Variants in BCAS3 observed in about 807,000 individuals in gnomAD.
BCAS3 encodes BCAS3 microtubule associated cell migration factor.
BCAS3 carries 53 observed loss-of-function variants against 116.1 expected under a neutral mutation model. That is an observed-to-expected ratio of 0.46 (90% CI 0.37 to 0.57). The LOEUF is 0.57. BCAS3 is among the 20% of genes least tolerant of loss of function. The pLI, the probability that BCAS3 is intolerant of heterozygous loss-of-function variation, is 0.00. For missense variants in BCAS3, 917 were observed against 1,165.4 expected (o/e 0.79, Z 3.10); for synonymous variants, 391 against 408.2 (o/e 0.96, Z 0.51).
At chr17:60,970,287 T>TA (rs1402141749) in intron 14 of BCAS3, among the ~76,000 whole-genome samples, 1 of 151,972 alleles carries the variant, frequency 6.6e-6, no homozygotes, top group African/African-American at 2.4e-5. Flanking sequence ...AATGGCATAC[T>TA]AAAAAATGTT....
At chr17:61,123,288 G>T (rs1216911521) in intron 22 of BCAS3, among the ~76,000 whole-genome samples, 1 of 151,928 alleles carries the variant, frequency 6.6e-6, no homozygotes, top group Non-Finnish European at 1.5e-5. Context: ...CATTTCCTTA[G>T]GTGCAGCATA....
Position 61,282,123 on chromosome 17 carries a change from A to T in BCAS3, c.2426-86204A>T, listed in dbSNP as rs1050069635. 3.3e-5 allele frequency among the ~76,000 whole-genome samples: 5 copies of T among 152,220 alleles called. No homozygotes were observed. The highest frequency in any genetic ancestry group is 2.6e-4 in the Admixed American group (4 of 15,278). On this transcript the variant is annotated intron_variant, in intron 22 of 23. Transcript: ENST00000407086. The surrounding 1 kb of genome is among the most constrained non-coding windows in gnomAD (Gnocchi z 5.9). ...TAAGATCAAGTGAATTTAATATATG[A>T]GAAAGTCCTTTTTAAAGTATAAAGA...
intron 6 of BCAS3, among the ~76,000 whole-genome samples, chr17:60,797,532 A>G (rs975308290): frequency 2.0e-5 from 3 of 151,692 alleles, no homozygotes; most frequent in East Asian, 3.9e-4. Context: ...TTATTTATTT[A>G]TTTACTTTTA....
At chr17:61,250,002 G>A (rs981849711) in intron 22 of BCAS3, among the ~76,000 whole-genome samples, 3 of 152,102 alleles carry the variant, frequency 2.0e-5, no homozygotes, top group Non-Finnish European at 2.9e-5. Flanking sequence ...TACCAAATAA[G>A]AGCAGCCATT....
At chr17:60,710,731 A>G (rs563008961) in intron 5 of BCAS3, among the ~76,000 whole-genome samples, 2 of 149,160 alleles carry the variant, frequency 1.3e-5, no homozygotes, top group Non-Finnish European at 1.5e-5. Context: ...ATGCCTGGCC[A>G]ACATTTTTTA....
intron 23 of BCAS3, among the ~76,000 whole-genome samples, chr17:61,386,780 TTTG>T (rs1333361635): frequency 1.4e-5 from 2 of 141,476 alleles, no homozygotes; most frequent in Admixed American, 7.8e-5. Flanking sequence ...ACTGTTTTTT[TTTG>T]TTTTTGTTTT....
chr17:61,081,832 G>A lies in BCAS3; in HGVS notation c.2328-2635G>A, dbSNP rs531056711. ...CTTGTCTCTCATCTGATTTCTACAC[G>A]CCTGTGCATGGTGGCCTATGGCCGA... On this transcript the variant is annotated intron_variant, in intron 21 of 23. Transcript: ENST00000407086. 9.7e-4 allele frequency among the ~76,000 whole-genome samples: 147 copies of A among 152,184 alleles called. 1 individual carries two copies. Among genetic ancestry groups the A allele is most frequent in the Admixed American group, 2.0e-3 (30 of 15,294 alleles).
At position 61,188,702 on chromosome 17, in the gene BCAS3, A is replaced by G. The variant is rs544911953; in HGVS notation, c.2425+104138A>G. Among the ~76,000 whole-genome samples the G allele has an allele frequency of 8.5e-5, 13 of 152,210 alleles. No individual in the cohort carries two copies. Among genetic ancestry groups the G allele is most frequent in the Non-Finnish European group, 1.3e-4 (9 of 68,046 alleles). ...TGCTCAGAGTGCTGTGTCGAGCTTA[A>G]TGGGTATAAAGGAGAAGAAAGTAAA... On this transcript the variant is annotated intron_variant, in intron 22 of 23. Transcript: ENST00000407086. This position sits in a 1 kb window ranked among gnomAD's most constrained non-coding sequence, Gnocchi z 4.0.
rs116235541 is a variant in BCAS3 at position 61,284,800 on chromosome 17, G to T, written c.2426-83527G>T. Reference sequence around the variant, plus strand: ...AGGAATCCTCAGAAGAGCTCTCAGGGTCTCTGCTTAGGAAAGCCTCCACTC... The same window carrying T: ...AGGAATCCTCAGAAGAGCTCTCAGGTTCTCTGCTTAGGAAAGCCTCCACTC... On this transcript the variant is annotated intron_variant, in intron 22 of 23. Coordinates refer to ENST00000407086, the MANE Select transcript of BCAS3 (RefSeq NM_017679.5). Among the ~76,000 whole-genome samples, 1,221 of 152,218 alleles carry T rather than the reference G, an allele frequency of 8.0e-3. 22 individuals carry two copies. Among genetic ancestry groups the T allele is most frequent in the African/African-American group, 0.028 (1,159 of 41,522 alleles).
intron 7 of BCAS3, among the ~76,000 whole-genome samples, chr17:60,847,790 T>C (rs1016155702): frequency 6.6e-6 from 1 of 152,202 alleles, no homozygotes; most frequent in African/African-American, 2.4e-5. Context: ...ATTTTGTGGT[T>C]TTCTTTTTAC....
intron 22 of BCAS3, among the ~76,000 whole-genome samples, chr17:61,089,898 C>G (rs1207013749): frequency 2.6e-5 from 4 of 152,044 alleles, no homozygotes; most frequent in African/African-American, 9.7e-5. Flanking sequence ...CTGAGGCCTA[C>G]TTAGGTACTA....
chr17:61,230,157 A>G (rs2082588770), intron 22 of BCAS3, among the ~76,000 whole-genome samples: 1 of 151,922 alleles, frequency 6.6e-6, no homozygotes, highest in Admixed American at 6.6e-5. Flanking sequence ...ACACACACAC[A>G]CACACACACA....
chr17:61,182,410 G>T (rs767520115), intron 22 of BCAS3, among the ~76,000 whole-genome samples: 5 of 151,850 alleles, frequency 3.3e-5, no homozygotes, highest in Admixed American at 6.6e-5. Context: ...AACCCCACTA[G>T]CCATCACCCA....
At chr17:60,703,630 C>A (rs1001457470) in intron 4 of BCAS3, among the ~76,000 whole-genome samples, 1 of 148,240 alleles carries the variant, frequency 6.7e-6, no homozygotes, top group Non-Finnish European at 1.5e-5. Flanking sequence ...GAAAGACTTA[C>A]CTAGCCGGGC....
chr17:60,978,236 A>G lies in BCAS3; in HGVS notation c.1222-11735A>G, dbSNP rs867608042. Among the ~76,000 whole-genome samples, 108 of 131,446 alleles carry G rather than the reference A, an allele frequency of 8.2e-4. 1 individual carries two copies. The highest frequency in any genetic ancestry group is 9.2e-4 in the Non-Finnish European group (61 of 66,016). 86.2% of individuals were successfully genotyped at this position (131,446 alleles called of 152,430 possible). ...GTATCTCATTGTGGTTTTGATTTGC[A>G]TTTCTCTGATGGCCAGTGATGGTGA... On this transcript the variant is annotated intron_variant, in intron 14 of 23. Coordinates refer to ENST00000407086, the MANE Select transcript of BCAS3 (RefSeq NM_017679.5).
chr17:60,782,963 A>G (rs952563692), intron 6 of BCAS3, among the ~76,000 whole-genome samples: 5 of 152,246 alleles, frequency 3.3e-5, no homozygotes, highest in Middle Eastern at 3.4e-3. Flanking sequence ...ATGCATACGT[A>G]TATTTACATA....
chr17:61,086,074 C>A (rs4334354), intron 22 of BCAS3, among the ~76,000 whole-genome samples: 2 of 151,994 alleles, frequency 1.3e-5, no homozygotes, highest in Non-Finnish European at 2.9e-5. Flanking sequence ...TGAGGTAACA[C>A]TCCATATATA....
chr17:61,080,055 G>A (rs1374066830), intron 21 of BCAS3, among the ~76,000 whole-genome samples: 3 of 150,884 alleles, frequency 2.0e-5, no homozygotes, highest in African/African-American at 7.3e-5. Flanking sequence ...CAGGTATGTG[G>A]CACCACGCCT....
chr17:61,284,015 G>C (rs773834490), intron 22 of BCAS3, among the ~76,000 whole-genome samples: 1 of 152,168 alleles, frequency 6.6e-6, no homozygotes, highest in Non-Finnish European at 1.5e-5. Flanking sequence ...AGGTGAAGCC[G>C]GCTGGGCTTC....
Sources: gnomAD v4.1 joint callset for allele counts (sites outside exome capture counted in the v4.1 genomes callset) on GRCh38, gnomAD v4.1.1 for gene constraint, Gnocchi (gnomAD v3.1) non-coding constraint, MANE v1.5 for transcripts, NCBI Gene and HGNC (gene_info 2026-07-23, HGNC 2026-07-21) for gene names.